The following RFC3 variants were observed in gnomAD, a reference collection of about 807,000 sequenced individuals.
The protein encoded by RFC3 is A1 38 kDa subunit.
A neutral mutation model predicts 45.1 loss-of-function variants in RFC3; 41 were observed. The observed-to-expected ratio is 0.91, with a 90% CI of 0.71 to 1.18. The LOEUF is 1.18. RFC3 is among the 50% of genes most tolerant of loss of function. The probability of loss-of-function intolerance (pLI) is 0.00; values close to 1 mark genes in which losing one functional copy is unlikely to be tolerated. For missense variants in RFC3, 423 were observed against 428.1 expected (o/e 0.99, Z 0.10); for synonymous variants, 149 against 144.0 (o/e 1.03, Z -0.25).
chr13:33,822,369 T>G (rs1446546972), intron 2 of RFC3, among the ~76,000 whole-genome samples: 1 of 152,206 alleles, frequency 6.6e-6, no homozygotes, highest in African/African-American at 2.4e-5. Context: ...TAATTAAAAT[T>G]CAAGTGGTTG....
At chr13:33,932,172 ATCTG>A (rs1470438031) in intron 8 of RFC3, among the ~76,000 whole-genome samples, 1 of 152,126 alleles carries the variant, frequency 6.6e-6, no homozygotes, top group Non-Finnish European at 1.5e-5. Context: ...TCCATTGTTC[ATCTG>A]TCTATTCTAG....
At chr13:33,884,450 G>A (rs2137608590) in intron 8 of RFC3, among the ~76,000 whole-genome samples, 1 of 152,304 alleles carries the variant, frequency 6.6e-6, no homozygotes, top group Non-Finnish European at 1.5e-5. Context: ...GAAAGCCCCA[G>A]AATGAAGTGA....
downstream of RFC3, among the ~76,000 whole-genome samples, chr13:33,839,700 T>G (rs2082183471): frequency 6.6e-6 from 1 of 152,250 alleles, no homozygotes; most frequent in Non-Finnish European, 1.5e-5. Context: ...ATTGATTTCT[T>G]CATTGCTTTT....
chr13:33,922,600 A>C (rs2082776285), intron 8 of RFC3, among the ~76,000 whole-genome samples: 2 of 152,160 alleles, frequency 1.3e-5, no homozygotes, highest in South Asian at 4.1e-4. Context: ...TACTTATTCA[A>C]ATAAATAAAA....
intron 8 of RFC3, among the ~76,000 whole-genome samples, chr13:33,865,926 G>T (rs2082370646): frequency 1.3e-5 from 2 of 152,146 alleles, no homozygotes; most frequent in South Asian, 4.1e-4. Flanking sequence ...GGGCGTGGTG[G>T]CTCATGCCTA....
chr13:33,910,504 A>G (rs1484727386), intron 8 of RFC3, among the ~76,000 whole-genome samples: 3 of 152,112 alleles, frequency 2.0e-5, no homozygotes, highest in African/African-American at 7.2e-5. Flanking sequence ...CAGTGTAACA[A>G]ATGTCAGTGC....
intron 8 of RFC3, among the ~76,000 whole-genome samples, chr13:33,855,053 A>G (rs2082300231): frequency 6.6e-6 from 1 of 152,182 alleles, no homozygotes; most frequent in East Asian, 1.9e-4. Flanking sequence ...AAATGAGCTT[A>G]AACAACTCTA....
chr13:33,897,381 A>G (rs1029789966), intron 8 of RFC3, among the ~76,000 whole-genome samples: 4 of 151,966 alleles, frequency 2.6e-5, no homozygotes. Flanking sequence ...AATTTTTTTG[A>G]TAAGCCTCAT....
Position 33,836,206 on chromosome 13 carries a change from G to A in RFC3, c.982G>A (p.Ala328Thr). ...GCATCGTCTACAGCTGGGTAGCAAA[G>A]CCATTTATCACTTGGAAGCGTTTGT... is the stretch of plus-strand genomic sequence containing the variant. ...YEHRLQLGSKAIYHLEAFVAK... is the reference protein window; with the variant it reads ...YEHRLQLGSKTIYHLEAFVAK... Residue 328 changes from alanine to threonine, a missense_variant, in exon 9 of 9, where the codon GCC (alanine) becomes ACC (threonine). Transcript: ENST00000380071. The A allele has an allele frequency of 1.2e-6, 2 of 1,613,550 alleles. No homozygotes were observed. Among genetic ancestry groups the A allele is most frequent in the Non-Finnish European group, 8.5e-7 (1 of 1,179,592 alleles).
At chr13:33,892,750 A>G (rs2082571379) in intron 8 of RFC3, among the ~76,000 whole-genome samples, 1 of 152,148 alleles carries the variant, frequency 6.6e-6, no homozygotes, top group African/African-American at 2.4e-5. Context: ...AAAAACAAAT[A>G]GACAGCACCA....
chr13:33,865,589 A>T (rs1379219427), intron 8 of RFC3, among the ~76,000 whole-genome samples: 1 of 152,230 alleles, frequency 6.6e-6, no homozygotes, highest in Non-Finnish European at 1.5e-5. Context: ...TGTATTTATC[A>T]ATCAATCAAT....
chr13:33,888,372 T>G (rs998573802), intron 8 of RFC3, among the ~76,000 whole-genome samples: 2 of 152,332 alleles, frequency 1.3e-5, no homozygotes, highest in Non-Finnish European at 2.9e-5. Flanking sequence ...GAAGTCCTCC[T>G]AAACAGAGTA....
At chr13:33,877,001 T>C (rs1202700453) in intron 8 of RFC3, among the ~76,000 whole-genome samples, 1 of 152,232 alleles carries the variant, frequency 6.6e-6, no homozygotes, top group Non-Finnish European at 1.5e-5. Context: ...AACACTTTTA[T>C]TGCAATTTTG....
intron 8 of RFC3, among the ~76,000 whole-genome samples, chr13:33,945,354 G>A (rs574598995): frequency 1.3e-5 from 2 of 152,210 alleles, no homozygotes; most frequent in East Asian, 1.9e-4. Context: ...ATATCCTTAC[G>A]AGGGATTCTG....
intron 8 of RFC3, among the ~76,000 whole-genome samples, chr13:33,939,725 G>A (rs1297200892): frequency 2.6e-5 from 4 of 152,086 alleles, no homozygotes; most frequent in Admixed American, 6.6e-5. Context: ...TTGTCCTGTC[G>A]AGCTCCTTAC....
chr13:33,895,173 T>C (rs886325731), intron 8 of RFC3, among the ~76,000 whole-genome samples: 1 of 152,136 alleles, frequency 6.6e-6, no homozygotes, highest in Non-Finnish European at 1.5e-5. Context: ...CTACAAAGCT[T>C]CTGCCCAGTA....
At chr13:33,937,659 G>A (rs2082895662) in intron 8 of RFC3, among the ~76,000 whole-genome samples, 1 of 152,172 alleles carries the variant, frequency 6.6e-6, no homozygotes, top group Non-Finnish European at 1.5e-5. Flanking sequence ...GAAATACACA[G>A]AAGATAATCA....
intron 8 of RFC3, among the ~76,000 whole-genome samples, chr13:33,898,459 A>G (rs1473755961): frequency 6.6e-6 from 1 of 151,998 alleles, no homozygotes; most frequent in African/African-American, 2.4e-5. Context: ...ATTGAAACAA[A>G]TGCAAATGGA....
rs115955876 is a variant in RFC3, at chr13:33,908,119, C to T, written c.880-57968C>T. On this transcript the variant is annotated intron_variant, in intron 8 of 8. Transcript: ENST00000434425. ...AGTATTAAACTACTCAAAGAACACC[C>T]CAAAATATTTTCATTAATAAGATTA... is the stretch of plus-strand genomic sequence containing the variant. Among the ~76,000 whole-genome samples, 1,016 of 151,562 alleles carry T rather than the reference C, an allele frequency of 6.7e-3. 10 individuals are homozygous for T. Among genetic ancestry groups the T allele is most frequent in the African/African-American group, 0.023 (966 of 41,322 alleles).
Sources: gnomAD v4.1 joint callset for allele counts (sites outside exome capture counted in the v4.1 genomes callset) on GRCh38, gnomAD v4.1.1 for gene constraint, MANE v1.5 for transcripts, NCBI Gene and HGNC (gene_info 2026-07-23, HGNC 2026-07-21) for gene names.